Variants in SNX9 observed in about 807,000 individuals in gnomAD.
The protein encoded by SNX9 is sorting nexin-9.
SNX9 carries 44 observed loss-of-function variants against 89.4 expected under a neutral mutation model. The observed-to-expected ratio is 0.49, with a 90% CI of 0.39 to 0.63. The LOEUF (loss-of-function observed/expected upper bound fraction) is 0.63. Among genes scored for constraint, SNX9 ranks in the 30% least tolerant of loss-of-function variants. SNX9 has a pLI of 0.00. For missense variants in SNX9, 578 were observed against 736.1 expected (o/e 0.79, Z 2.49); for synonymous variants, 236 against 247.8 (o/e 0.95, Z 0.45).
chr6:157,878,734 C>T (rs1782567368), intron 4 of SNX9, among the ~76,000 whole-genome samples: 1 of 152,140 alleles, frequency 6.6e-6, no homozygotes, highest in Non-Finnish European at 1.5e-5. Flanking sequence ...ACTGACAGCA[C>T]AAAGTCTAGT....
chr6:157,927,137 C>T lies in SNX9; in HGVS notation c.1107C>T (p.Ala369=), dbSNP rs769086330. The T allele has an allele frequency of 9.3e-6, 15 of 1,613,808 alleles. No individual in the cohort carries two copies. In the East Asian group the frequency reaches 2.0e-4, roughly 22 times the overall value. Residue 369 remains alanine (A), a synonymous_variant, in exon 11 of 18, where the codon GCC becomes GCT. Coordinates refer to ENST00000392185, the MANE Select transcript of SNX9 (RefSeq NM_016224.5). The part of the protein sequence containing the change: ...EKEWKTGKRK[A]ERDELAGVMI... ...AATGGAAAACTGGAAAGAGGAAGGCCGAGAGAGATGAGCTGGCGGGAGTCA... is the reference window on the plus strand; with the variant it reads ...AATGGAAAACTGGAAAGAGGAAGGCTGAGAGAGATGAGCTGGCGGGAGTCA...
rs575330665 is a variant in SNX9 at position 157,855,264 on chromosome 6, C to T, written c.13-12283C>T. Reference sequence around the variant, plus strand: ...TTGGCTGCGGTATAGTACTCCGTTTCGCAGAGATCCCATACTTGATGAACT... The same window carrying T: ...TTGGCTGCGGTATAGTACTCCGTTTTGCAGAGATCCCATACTTGATGAACT... On this transcript the variant is annotated intron_variant, in intron 1 of 17. Coordinates refer to ENST00000392185, the MANE Select transcript of SNX9 (RefSeq NM_016224.5). Among the ~76,000 whole-genome samples, 107 of 152,216 alleles carry T rather than the reference C, an allele frequency of 7.0e-4. 1 individual carries two copies. Among genetic ancestry groups the T allele is most frequent in the African/African-American group, 2.3e-3 (94 of 41,516 alleles).
intron 4 of SNX9, among the ~76,000 whole-genome samples, chr6:157,894,769 A>G (rs1782945401): frequency 6.6e-6 from 1 of 152,232 alleles, no homozygotes; most frequent in Non-Finnish European, 1.5e-5. Flanking sequence ...ATTCTCTTTC[A>G]AAAGCAATTT....
At chr6:157,926,198 C>T (rs751042407) in intron 10 of SNX9, among the ~76,000 whole-genome samples, 5 of 152,050 alleles carry the variant, frequency 3.3e-5, no homozygotes, top group Admixed American at 1.3e-4. Context: ...GAGAGATTAC[C>T]GGTTACCTTT....
intron 9 of SNX9, among the ~76,000 whole-genome samples, chr6:157,919,204 C>T (rs896109689): frequency 6.6e-6 from 1 of 152,082 alleles, no homozygotes; most frequent in Non-Finnish European, 1.5e-5. Context: ...AGAGGATAGT[C>T]GTACCGATCT....
rs185703172 is a variant in SNX9 at position 157,896,536 on chromosome 6, A to G, written c.301-291A>G. On this transcript the variant is annotated intron_variant, in intron 4 of 17. Coordinates refer to ENST00000392185, the MANE Select transcript of SNX9 (RefSeq NM_016224.5). Reference sequence around the variant, plus strand: ...AAGTAGTGGTTACTTCTGGAGAGAAAGAAAGAGAGGGCTGTAGCTGCATCT... The same window carrying G: ...AAGTAGTGGTTACTTCTGGAGAGAAGGAAAGAGAGGGCTGTAGCTGCATCT... Among the ~76,000 whole-genome samples the G allele has an allele frequency of 8.5e-5, 13 of 152,334 alleles. No individual in the cohort carries two copies. The East Asian group carries it at 2.5e-3, about 29-fold the overall frequency.
At chr6:157,939,742 T>C (rs1783996828) in intron 16 of SNX9, among the ~76,000 whole-genome samples, 1 of 152,204 alleles carries the variant, frequency 6.6e-6, no homozygotes, top group Non-Finnish European at 1.5e-5. Context: ...ATGGGGAGTT[T>C]GGTTTTGAAC....
intron 7 of SNX9, among the ~76,000 whole-genome samples, chr6:157,907,755 C>A (rs936347319): frequency 7.9e-5 from 12 of 152,204 alleles, no homozygotes; most frequent in African/African-American, 2.7e-4. Context: ...GGAAAGCCAC[C>A]GCGTCTTCAG....
chr6:157,875,784 C>G (rs1012780490), intron 4 of SNX9, among the ~76,000 whole-genome samples: 1 of 152,130 alleles, frequency 6.6e-6, no homozygotes, highest in African/African-American at 2.4e-5. Context: ...TTGTCTAGTT[C>G]ATTTATTGCC....
intron 12 of SNX9, among the ~76,000 whole-genome samples, chr6:157,929,397 C>T (rs1291111041): frequency 2.6e-5 from 4 of 152,242 alleles, no homozygotes; most frequent in African/African-American, 9.6e-5. Flanking sequence ...TGCAGAGTGA[C>T]TTGTCAGGCC....
At chr6:157,912,759 G>GT (rs1583233284) in intron 9 of SNX9, among the ~76,000 whole-genome samples, 1 of 152,070 alleles carries the variant, frequency 6.6e-6, no homozygotes, top group African/African-American at 2.4e-5. Flanking sequence ...AGAGATTTTT[G>GT]TTTTTTATGG....
At chr6:157,900,961 T>G (rs1333930164) in intron 5 of SNX9, among the ~76,000 whole-genome samples, 1 of 152,194 alleles carries the variant, frequency 6.6e-6, no homozygotes, top group African/African-American at 2.4e-5. Flanking sequence ...GATGAGGGCG[T>G]TTATAGCCCT....
intron 1 of SNX9, among the ~76,000 whole-genome samples, chr6:157,859,225 T>C (rs918766446): frequency 1.3e-5 from 2 of 152,236 alleles, no homozygotes; most frequent in Non-Finnish European, 2.9e-5. Flanking sequence ...ACTTGTGTTA[T>C]CACTGAGTTT....
chr6:157,927,930 AACACACACACAC>A (rs71689763), intron 11 of SNX9, among the ~76,000 whole-genome samples: 6 of 148,988 alleles, frequency 4.0e-5, no homozygotes, highest in African/African-American at 1.5e-4. Flanking sequence ...ATAGACAAGT[AACACACACACAC>A]ACACACACAC....
chr6:157,921,533 C>T lies in SNX9; in HGVS notation c.952C>T (p.Arg318Cys), dbSNP rs1783582870. 6.2e-7 allele frequency: 1 copy of T among 1,611,354 alleles called. No individual in the cohort carries two copies. Among genetic ancestry groups the T allele is most frequent in the Non-Finnish European group, 8.5e-7 (1 of 1,178,510 alleles). Reference protein sequence around the residue: ...PSLPDKQVTGRFEEEFIKMRM... With the variant: ...PSLPDKQVTGCFEEEFIKMRM... ...CATTCTTGGTGTGTCGCTTGCAGGC[C>T]GCTTTGAAGAGGAATTTATCAAAAT... Residue 318 changes from arginine to cysteine, a missense_variant and splice_region_variant, in exon 10 of 18, where the codon CGC becomes TGC. Physicochemically the swap from Arg to Cys is radical, Grantham distance 180 (BLOSUM62 -3). Transcript: ENST00000392185.
At chr6:157,836,336 C>T (rs1027390863) in intron 1 of SNX9, among the ~76,000 whole-genome samples, 1 of 152,086 alleles carries the variant, frequency 6.6e-6, no homozygotes, top group Non-Finnish European at 1.5e-5. Flanking sequence ...AAATTTTTTT[C>T]TCAAACTCCC....
intron 1 of SNX9, among the ~76,000 whole-genome samples, chr6:157,843,130 G>A (rs1388000413): frequency 1.3e-5 from 2 of 152,166 alleles, no homozygotes; most frequent in African/African-American, 4.8e-5. Context: ...TCAAGGAGAT[G>A]AAGCCTTCTA....
In SNX9 at chr6:157,840,429, T is replaced by TTTCCTTTCCTTCC. The variant is rs982801682; in HGVS notation, c.12+16985_12+16986insCCTTTCCTTCCTT. On this transcript the variant is annotated intron_variant, in intron 1 of 17. Transcript: ENST00000392185. Reference sequence around the variant, plus strand: ...ATACTTTCTTTCTTTCTTTTCTTTCTTTTCTTTCCTTTCTTTCCTTTCCTT... The same window carrying TTTCCTTTCCTTCC: ...ATACTTTCTTTCTTTCTTTTCTTTCTTTCCTTTCCTTCCTTTCTTTCCTTTCTTTCCTTTCCTT... 2.6e-3 allele frequency among the ~76,000 whole-genome samples: 295 copies of TTTCCTTTCCTTCC among 113,124 alleles called. 1 individual carries two copies. Among genetic ancestry groups the TTTCCTTTCCTTCC allele is most frequent in the African/African-American group, 9.7e-3 (284 of 29,326 alleles). The allele number at this position is 113,124 out of a possible 152,430, so 74.2% of individuals were successfully genotyped here. A position where few individuals can be genotyped will look rare whatever the true frequency, so the allele number is the denominator to read the frequency against.
chr6:157,881,282 G>A (rs549047884), intron 4 of SNX9, among the ~76,000 whole-genome samples: 8 of 151,992 alleles, frequency 5.3e-5, no homozygotes, highest in African/African-American at 9.7e-5. Flanking sequence ...TTGTTTTGAG[G>A]CACCACAATG....
Sources: gnomAD v4.1 joint callset for allele counts (sites outside exome capture counted in the v4.1 genomes callset) on GRCh38, gnomAD v4.1.1 for gene constraint, MANE v1.5 for transcripts, NCBI Gene and HGNC (gene_info 2026-07-23, HGNC 2026-07-21) for gene names.